The following RB1 variants were observed in gnomAD, a reference collection of about 807,000 sequenced individuals.
The protein encoded by RB1 is retinoblastoma-associated protein.
RB1 carries 18 observed loss-of-function variants against 135.4 expected under a neutral mutation model. That is an observed-to-expected ratio of 0.13 (90% CI 0.09 to 0.20). The LOEUF (loss-of-function observed/expected upper bound fraction) is 0.20. Ranked by LOEUF, RB1 falls within the 10% of genes least tolerant of loss-of-function variation. The probability of loss-of-function intolerance (pLI) is 1.00; values close to 1 mark genes in which losing one functional copy is unlikely to be tolerated. For synonymous variants in RB1, 365 were observed against 373.2 expected (o/e 0.98, Z 0.25); for missense variants, 868 against 1,110.0 (o/e 0.78, Z 3.10).
Position 48,350,201 on chromosome 13 carries a change from T to G in RB1, c.607+1178T>G, listed in dbSNP as rs909580285. ...CACTATATAGACCATATGAATCTAA[T>G]AGATATTTACAGAACATTTCATCCA... On this transcript the variant is annotated intron_variant, in intron 6 of 26. Coordinates refer to ENST00000267163, the MANE Select transcript of RB1 (RefSeq NM_000321.3). Among the ~76,000 whole-genome samples the G allele has an allele frequency of 2.0e-5, 3 of 152,232 alleles. No homozygotes were observed. In the South Asian group the frequency reaches 6.2e-4, roughly 32 times the overall value.
At chr13:48,437,430 A>G (rs1431586628) in intron 17 of RB1, among the ~76,000 whole-genome samples, 1 of 152,250 alleles carries the variant, frequency 6.6e-6, no homozygotes, top group Non-Finnish European at 1.5e-5. Context: ...ACTAACATTT[A>G]TTATCTCACA....
chr13:48,412,011 G>A (rs1186096693), intron 17 of RB1: 16 of 1,611,956 alleles, frequency 9.9e-6, no homozygotes, highest in Admixed American at 1.7e-5. Flanking sequence ...CCACACGCCA[G>A]TGCAAACAAT....
chr13:48,466,196 C>T (rs1287587272), intron 23 of RB1, among the ~76,000 whole-genome samples: 8 of 102,070 alleles, frequency 7.8e-5, no homozygotes, highest in Non-Finnish European at 1.1e-4. Context: ...TCTCCCAGCA[C>T]GCAGCTGGAG....
chr13:48,459,801 T>C lies in RB1; in HGVS notation c.2074T>C (p.Tyr692His). 1.2e-6 allele frequency: 2 copies of C among 1,613,900 alleles called. No homozygotes were observed. The highest frequency in any genetic ancestry group is 1.7e-6 in the Non-Finnish European group (2 of 1,179,886). The change falls in exon 20 of 27, where the codon TAT (tyrosine) becomes CAT (histidine). Residue 692 changes from tyrosine to histidine, a missense_variant. By Grantham distance (83) the Tyr-to-His change is moderately conservative (BLOSUM62 2). This residue lies in a region of RB1 where 31 missense variants were observed against 78.9 expected (regional missense o/e 0.39). Coordinates refer to ENST00000267163, the MANE Select transcript of RB1 (RefSeq NM_000321.3). ...TTTCCAGCACACCCTGCAGAATGAG[T>C]ATGAACTCATGAGAGACAGGCATTT... ...TLFQHTLQNEYELMRDRHLDQ... is the reference protein window; with the variant it reads ...TLFQHTLQNEHELMRDRHLDQ...
chr13:48,471,497 A>G (rs1224963408), intron 23 of RB1, among the ~76,000 whole-genome samples: 14 of 132,096 alleles, frequency 1.1e-4, no homozygotes, highest in Non-Finnish European at 2.1e-4. Context: ...CCAGCATGGC[A>G]CATGTATACA....
chr13:48,473,436 A>C, intron 24 of RB1, 46 bp downstream of exon 24: 1 of 1,460,828 alleles, frequency 6.8e-7, no homozygotes, highest in Non-Finnish European at 9.5e-7. Flanking sequence ...CATTGTAAGT[A>C]TAAAAGAAAT....
intron 17 of RB1, chr13:48,411,882 A>G: frequency 1.2e-6 from 2 of 1,613,722 alleles, no homozygotes; most frequent in Non-Finnish European, 1.7e-6. Context: ...AATCCTTGAG[A>G]GATATGTTTT....
intron 2 of RB1, chr13:48,318,359 C>G (rs545962649): frequency 1.4e-6 from 2 of 1,445,636 alleles, no homozygotes; most frequent in African/African-American, 1.4e-5. Flanking sequence ...GTTCCCTGCA[C>G]CTCTTCTTGA....
In RB1 at chr13:48,480,805, A is replaced by T. The variant is rs1216225586; in HGVS notation, c.*734A>T. The T allele has an allele frequency of 4.4e-6, 1 of 226,746 alleles. No individual in the cohort carries two copies. The highest frequency in any genetic ancestry group is 8.8e-6 in the Non-Finnish European group (1 of 113,816). The allele number at this position is 226,746 out of a possible 1,614,324, so 14.0% of individuals were successfully genotyped here. A position where few individuals can be genotyped will look rare whatever the true frequency, so the allele number is the denominator to read the frequency against. ...ACTGATTATTTTCTTCATCCAACTTATGTTTTTAAATGAGGATTATTGATA... is the reference window on the plus strand; with the variant it reads ...ACTGATTATTTTCTTCATCCAACTTTTGTTTTTAAATGAGGATTATTGATA... On this transcript the variant is annotated 3_prime_UTR_variant, in exon 27 of 27. Transcript: ENST00000267163.
At chr13:48,440,714 G>C (rs938721343) in intron 17 of RB1, among the ~76,000 whole-genome samples, 40 of 151,990 alleles carry the variant, frequency 2.6e-4, no homozygotes, top group African/African-American at 9.2e-4. Context: ...TAGATAAAGG[G>C]TTTTCTTTGT....
intron 2 of RB1, among the ~76,000 whole-genome samples, chr13:48,316,211 C>T (rs191333473): frequency 1.3e-3 from 195 of 150,844 alleles, no homozygotes; most frequent in African/African-American, 4.4e-3. Context: ...TTTTTTCCAG[C>T]GGACAGCTGT....
At chr13:48,305,245 G>A (rs561769320) in intron 1 of RB1, among the ~76,000 whole-genome samples, 5 of 152,124 alleles carry the variant, frequency 3.3e-5, no homozygotes, top group African/African-American at 1.2e-4. Context: ...AACAATTCAC[G>A]GCAGAAAAGA....
intron 17 of RB1, chr13:48,412,282 C>A: frequency 6.2e-7 from 1 of 1,613,974 alleles, no homozygotes; most frequent in Non-Finnish European, 8.5e-7. Flanking sequence ...TCATTTCGGA[C>A]TTTGAGGACG....
At chr13:48,405,157 C>A (rs1256849049) in intron 17 of RB1, among the ~76,000 whole-genome samples, 1 of 152,124 alleles carries the variant, frequency 6.6e-6, no homozygotes, top group Non-Finnish European at 1.5e-5. Context: ...AAAAATCCTA[C>A]GATGCAACAA....
chr13:48,455,792 T>C (rs1949356140), intron 18 of RB1, among the ~76,000 whole-genome samples: 1 of 152,186 alleles, frequency 6.6e-6, no homozygotes, highest in South Asian at 2.1e-4. Context: ...AATCTGTGTG[T>C]ATAACTGAAA....
intron 2 of RB1, among the ~76,000 whole-genome samples, chr13:48,322,441 G>T (rs1429938695): frequency 2.0e-5 from 3 of 152,136 alleles, no homozygotes; most frequent in African/African-American, 7.2e-5. Flanking sequence ...AATTCCTTAG[G>T]ATTTTCTAGA....
At chr13:48,349,801 C>G (rs1952531557) in intron 6 of RB1, among the ~76,000 whole-genome samples, 1 of 151,980 alleles carries the variant, frequency 6.6e-6, no homozygotes, top group Admixed American at 6.6e-5. Flanking sequence ...AAGAAACACA[C>G]TTTGCCTATA....
chr13:48,392,616 A>G (rs960498653), intron 17 of RB1, among the ~76,000 whole-genome samples: 14 of 151,884 alleles, frequency 9.2e-5, no homozygotes, highest in African/African-American at 2.7e-4. Flanking sequence ...TATCTTCCAT[A>G]TCTATTTTTA....
At chr13:48,320,553 C>G (rs1183998717) in intron 2 of RB1, 2 of 474,442 alleles carry the variant, frequency 4.2e-6, no homozygotes, top group East Asian at 8.6e-5. Flanking sequence ...AGGTTGGCAG[C>G]GGGGTGCAGT....
Sources: gnomAD v4.1 joint callset for allele counts (sites outside exome capture counted in the v4.1 genomes callset) on GRCh38, gnomAD v4.1.1 for gene constraint, gnomAD v4.1.1 regional missense constraint, MANE v1.5 for transcripts, NCBI Gene and HGNC (gene_info 2026-07-23, HGNC 2026-07-21) for gene names.